Variants in RNF169 observed in about 807,000 individuals in gnomAD.
The protein encoded by RNF169 is E3 ubiquitin-protein ligase RNF169.
RNF169 carries 24 observed loss-of-function variants against 53.9 expected under a neutral mutation model. The observed-to-expected ratio is 0.45, with a 90% CI of 0.32 to 0.63. The LOEUF is 0.63. Ranked by LOEUF, RNF169 falls within the 20% of genes least tolerant of loss-of-function variation. The probability of loss-of-function intolerance (pLI) is 0.04; values close to 1 mark genes in which losing one functional copy is unlikely to be tolerated. For synonymous variants in RNF169, 396 were observed against 363.5 expected (o/e 1.09, Z -1.02); for missense variants, 883 against 906.2 (o/e 0.97, Z 0.33).
At chr11:74,781,139 G>C (rs188497091) in intron 1 of RNF169, among the ~76,000 whole-genome samples, 18 of 152,356 alleles carry the variant, frequency 1.2e-4, no homozygotes, top group African/African-American at 4.1e-4. Context: ...TTTCAAGGAA[G>C]ATAGGCTCGG....
At chr11:74,762,885 G>A (rs186256697) in intron 1 of RNF169, among the ~76,000 whole-genome samples, 1 of 152,340 alleles carries the variant, frequency 6.6e-6, no homozygotes, top group East Asian at 1.9e-4. Context: ...AGAGTGAGGA[G>A]TGTAGAGATG....
At chr11:74,790,953 C>T (rs1000719284) in intron 2 of RNF169, among the ~76,000 whole-genome samples, 2 of 152,214 alleles carry the variant, frequency 1.3e-5, no homozygotes, top group Admixed American at 1.3e-4. Flanking sequence ...GTGTTTCAGC[C>T]GTTTGTGTTA....
intron 1 of RNF169, among the ~76,000 whole-genome samples, chr11:74,755,593 C>T (rs556313921): frequency 1.3e-5 from 2 of 152,160 alleles, no homozygotes; most frequent in Non-Finnish European, 2.9e-5. Flanking sequence ...AACAATACAA[C>T]GTGTTAAGTG....
chr11:74,790,599 T>C (rs1411957804), intron 2 of RNF169, among the ~76,000 whole-genome samples: 1 of 152,170 alleles, frequency 6.6e-6, no homozygotes, highest in Non-Finnish European at 1.5e-5. Flanking sequence ...CCAGCCTGGA[T>C]CTCACACCTG....
At chr11:74,805,739 A>G (rs1044219931) in intron 2 of RNF169, among the ~76,000 whole-genome samples, 1 of 152,160 alleles carries the variant, frequency 6.6e-6, no homozygotes, top group African/African-American at 2.4e-5. Flanking sequence ...AGTACAGTTG[A>G]CCATTGAATA....
chr11:74,748,901 T>A lies in RNF169; in HGVS notation c.21T>A (p.Ser7Arg), dbSNP rs754826982. 1.4e-6 allele frequency: 2 copies of A among 1,431,654 alleles called. No homozygotes were observed. Among genetic ancestry groups the A allele is most frequent in the Non-Finnish European group, 1.8e-6 (2 of 1,081,096 alleles). 88.7% of individuals were successfully genotyped at this position (1,431,654 alleles called of 1,614,324 possible). MAAAGP[S>R]TRASSAAAAA... is the part of the protein sequence containing the mutation. ...ACAAGATGGCGGCTGCAGGTCCGAG[T>A]ACTCGGGCCTCTTCCGCGGCGGCAG... is the stretch of plus-strand genomic sequence containing the variant. The change falls in exon 1 of 6, where the codon AGT becomes AGA. Residue 7 changes from serine (S) to arginine (R), a missense_variant. This residue lies in a region of RNF169 where 313 missense variants were observed against 279.9 expected (regional missense o/e 1.12). Transcript: ENST00000299563.
At position 74,840,436 on chromosome 11, in the gene RNF169, T is replaced by C. The variant is rs2036343446; in HGVS notation, c.*3706T>C. 6.6e-6 allele frequency: 1 copy of C among 152,236 alleles called. No individual in the cohort carries two copies. Among genetic ancestry groups the C allele is most frequent in the African/African-American group, 2.4e-5 (1 of 41,462 alleles). The allele number at this position is 152,236 out of a possible 1,614,324, so 9.4% of individuals were successfully genotyped here. A position where few individuals can be genotyped will look rare whatever the true frequency, so the allele number is the denominator to read the frequency against. ...GCTTTTCCTTTACTAAGTAATGTTA[T>C]GGAAGGAGAATGAATTTTCTCCTCT... is the stretch of plus-strand genomic sequence containing the variant. On this transcript the variant is annotated 3_prime_UTR_variant, in exon 6 of 6. Coordinates refer to ENST00000299563, the MANE Select transcript of RNF169 (RefSeq NM_001098638.2).
chr11:74,750,870 T>G (rs1233983091), intron 1 of RNF169, among the ~76,000 whole-genome samples: 3 of 116,162 alleles, frequency 2.6e-5, no homozygotes, highest in Non-Finnish European at 3.6e-5. Flanking sequence ...CCAAGGTTTT[T>G]TTTTTTTTTT....
intron 4 of RNF169, 100 bp downstream of exon 4, chr11:74,817,814 G>C (rs2035958630): frequency 2.6e-6 from 2 of 773,378 alleles, no homozygotes; most frequent in Middle Eastern, 2.8e-4. Flanking sequence ...CTACTTTGGT[G>C]GGGAGGTGGA....
At chr11:74,759,126 A>G (rs1329419013) in intron 1 of RNF169, among the ~76,000 whole-genome samples, 4 of 118,396 alleles carry the variant, frequency 3.4e-5, no homozygotes, top group Admixed American at 9.8e-5. Context: ...TTGTTGGTGT[A>G]TAAGAATGCT....
At chr11:74,802,003 GA>G (rs1194798253) in intron 2 of RNF169, among the ~76,000 whole-genome samples, 1 of 152,124 alleles carries the variant, frequency 6.6e-6, no homozygotes, top group Non-Finnish European at 1.5e-5. Flanking sequence ...ATTTTATAAG[GA>G]AAAACCTGTT....
chr11:74,779,087 A>G (rs1488440891), intron 1 of RNF169, among the ~76,000 whole-genome samples: 2 of 152,192 alleles, frequency 1.3e-5, no homozygotes, highest in East Asian at 3.9e-4. Flanking sequence ...GGACAGTTAA[A>G]TTATTCTTGA....
At position 74,842,073 on chromosome 11, in the gene RNF169, T is replaced by C. The variant is rs1261693665; in HGVS notation, c.*5343T>C. 6.6e-6 allele frequency: 1 copy of C among 152,184 alleles called. No individual in the cohort carries two copies. The highest frequency in any genetic ancestry group is 6.5e-5 in the Admixed American group (1 of 15,286). 9.4% of individuals were successfully genotyped at this position (152,184 alleles called of 1,614,324 possible). ...ACTCTTTGTACAAATATTATTGTCC[T>C]AAGGGCCTTTTCCCCTCCTGCCTAG... On this transcript the variant is annotated 3_prime_UTR_variant, in exon 6 of 6. Coordinates refer to ENST00000299563, the MANE Select transcript of RNF169 (RefSeq NM_001098638.2).
chr11:74,833,055 T>C (rs191072222), intron 4 of RNF169, among the ~76,000 whole-genome samples: 1 of 152,310 alleles, frequency 6.6e-6, no homozygotes, highest in African/African-American at 2.4e-5. Flanking sequence ...CTTGGTAAAG[T>C]GCAAGCACGT....
chr11:74,770,988 G>A (rs142428426), intron 1 of RNF169, among the ~76,000 whole-genome samples: 2 of 152,034 alleles, frequency 1.3e-5, no homozygotes, highest in African/African-American at 4.8e-5. Flanking sequence ...TTTATTTTTA[G>A]TAGAGACAGG....
At chr11:74,792,698 G>A (rs914992438) in intron 2 of RNF169, among the ~76,000 whole-genome samples, 6 of 152,200 alleles carry the variant, frequency 3.9e-5, no homozygotes, top group Non-Finnish European at 4.4e-5. Flanking sequence ...ACCATGCCTG[G>A]CAAGAGTAGG....
intron 2 of RNF169, among the ~76,000 whole-genome samples, chr11:74,798,953 C>T (rs896452948): frequency 6.6e-6 from 1 of 151,628 alleles, no homozygotes; most frequent in Non-Finnish European, 1.5e-5. Flanking sequence ...ACTCAGGAGG[C>T]TGAGCTGGGG....
At chr11:74,819,261 ATCTTATTCAG>A (rs1234042012) in intron 4 of RNF169, among the ~76,000 whole-genome samples, 4 of 152,100 alleles carry the variant, frequency 2.6e-5, no homozygotes, top group African/African-American at 9.7e-5. Context: ...CTTAAATATC[ATCTTATTCAG>A]TCCATTTGTT....
chr11:74,842,024 T>C lies in RNF169; in HGVS notation c.*5294T>C, dbSNP rs1795939461. 6.6e-6 allele frequency: 1 copy of C among 151,828 alleles called. No homozygotes were observed. Among genetic ancestry groups the C allele is most frequent in the South Asian group, 2.1e-4 (1 of 4,826 alleles). 9.4% of individuals were successfully genotyped at this position (151,828 alleles called of 1,614,324 possible). A position where few individuals can be genotyped will look rare whatever the true frequency, so the allele number is the denominator to read the frequency against. On this transcript the variant is annotated 3_prime_UTR_variant, in exon 6 of 6. Transcript: ENST00000299563. ...CGAATAGTTTTTTTTTTTTTGAACC[T>C]GATACACTGTTTGTTTACTCTCAAC...
Sources: gnomAD v4.1 joint callset for allele counts (sites outside exome capture counted in the v4.1 genomes callset) on GRCh38, gnomAD v4.1.1 for gene constraint, gnomAD v4.1.1 regional missense constraint, MANE v1.5 for transcripts, NCBI Gene and HGNC (gene_info 2026-07-23, HGNC 2026-07-21) for gene names.